RBFOX1: variants seen among roughly 807,000 people sequenced by gnomAD.
RBFOX1 encodes RNA binding protein fox-1 homolog 1.
Under a neutral mutation model 57.7 loss-of-function variants are expected in RBFOX1, and 8 were observed. That is an observed-to-expected ratio of 0.14 (90% CI 0.08 to 0.25). RBFOX1 has a LOEUF of 0.25. Among genes scored for constraint, RBFOX1 ranks in the 10% least tolerant of loss-of-function variants. The pLI is 1.00. For synonymous variants in RBFOX1, 326 were observed against 222.4 expected (o/e 1.47, Z -4.15); for missense variants, 611 against 548.5 (o/e 1.11, Z -1.14).
At chr16:6,865,828 C>A (rs964837555) in intron 3 of RBFOX1, among the ~76,000 whole-genome samples, 1 of 152,094 alleles carries the variant, frequency 6.6e-6, no homozygotes, top group African/African-American at 2.4e-5. Context: ...TTTTCAGGTA[C>A]AATTAACTTC....
intron 1 of RBFOX1, among the ~76,000 whole-genome samples, chr16:6,301,039 G>GT (rs1158093937): frequency 6.6e-6 from 1 of 151,982 alleles, no homozygotes; most frequent in Admixed American, 6.6e-5. Context: ...CTTACATTAT[G>GT]TTCCTTTGAA....
intron 4 of RBFOX1, among the ~76,000 whole-genome samples, chr16:7,433,434 G>T (rs1304889833): frequency 6.6e-6 from 1 of 152,156 alleles, no homozygotes. Flanking sequence ...AGTCTAATAG[G>T]GGATAATGAA....
intron 2 of RBFOX1, among the ~76,000 whole-genome samples, chr16:5,468,349 G>T (rs776486083): frequency 9.2e-5 from 14 of 151,984 alleles, no homozygotes; most frequent in Non-Finnish European, 1.9e-4. Context: ...CTCCCCTGTT[G>T]TTCTCCTCTC....
intron 2 of RBFOX1, among the ~76,000 whole-genome samples, chr16:6,551,672 A>G (rs746463487): frequency 7.9e-5 from 12 of 152,216 alleles, no homozygotes; most frequent in Non-Finnish European, 1.2e-4. Context: ...TAGCTAATAT[A>G]GCTACAGATA....
At chr16:7,668,772 C>T (rs1481898885) in intron 13 of RBFOX1, among the ~76,000 whole-genome samples, 1 of 152,004 alleles carries the variant, frequency 6.6e-6, no homozygotes, top group Non-Finnish European at 1.5e-5. Flanking sequence ...TAGTGGTGCA[C>T]CTTTAAATAC....
intron 4 of RBFOX1, among the ~76,000 whole-genome samples, chr16:7,238,942 T>G (rs1222906360): frequency 6.6e-6 from 1 of 152,164 alleles, no homozygotes; most frequent in Non-Finnish European, 1.5e-5. Context: ...AGCCTCCAGT[T>G]TCATCCATGT....
At chr16:7,659,382 T>G (rs1568328190) in intron 12 of RBFOX1, among the ~76,000 whole-genome samples, 1 of 152,230 alleles carries the variant, frequency 6.6e-6, no homozygotes, top group Admixed American at 6.5e-5. Flanking sequence ...TTTTATCTTC[T>G]AAATATCTAA....
intron 4 of RBFOX1, among the ~76,000 whole-genome samples, chr16:7,373,041 C>G (rs908858147): frequency 2.6e-5 from 4 of 151,836 alleles, no homozygotes; most frequent in South Asian, 2.1e-4. Context: ...TAGCCATTCT[C>G]TTGCCTCAGC....
intron 2 of RBFOX1, among the ~76,000 whole-genome samples, chr16:6,320,604 C>G (rs1246653310): frequency 6.6e-6 from 1 of 152,022 alleles, no homozygotes; most frequent in Non-Finnish European, 1.5e-5. Flanking sequence ...ACTTAACATA[C>G]TTATCACCTT....
At chr16:7,293,184 T>A (rs537378769) in intron 4 of RBFOX1, among the ~76,000 whole-genome samples, 1 of 152,338 alleles carries the variant, frequency 6.6e-6, no homozygotes, top group African/African-American at 2.4e-5. Context: ...AAATTGTGTC[T>A]GTGCTAAACA....
chr16:7,009,546 C>T (rs972566789), intron 3 of RBFOX1, among the ~76,000 whole-genome samples: 11 of 152,130 alleles, frequency 7.2e-5, no homozygotes, highest in African/African-American at 1.4e-4. Flanking sequence ...AGGGATGATG[C>T]GATCAATGAT....
chr16:6,034,082 C>G (rs1047875955), intron 1 of RBFOX1, among the ~76,000 whole-genome samples: 1 of 151,926 alleles, frequency 6.6e-6, no homozygotes, highest in Non-Finnish European at 1.5e-5. Flanking sequence ...TGCCCGTAAT[C>G]CCAGCCCTTT....
chr16:5,401,071 T>G (rs1291811655), intron 1 of RBFOX1, among the ~76,000 whole-genome samples: 1 of 152,164 alleles, frequency 6.6e-6, no homozygotes, highest in Non-Finnish European at 1.5e-5. Flanking sequence ...TTTTTAAAAA[T>G]TTTAAGGTCA....
chr16:5,337,217 G>C (rs1655239709), intron 1 of RBFOX1, among the ~76,000 whole-genome samples: 1 of 152,268 alleles, frequency 6.6e-6, no homozygotes, highest in African/African-American at 2.4e-5. Context: ...CCATTGACTG[G>C]GCTTGTGAGA....
In RBFOX1 at chr16:5,770,699, C is replaced by T. The variant is rs77631833; in HGVS notation, c.319-96604C>T. On this transcript the variant is annotated intron_variant, in intron 3 of 19. Coordinates refer to the RBFOX1 transcript ENST00000641259. ...TAGCCAAGAACCCTCCTGGGCTAAG[C>T]CTCAGTTTTGGTGCTCGCCTGCATC... Among the ~76,000 whole-genome samples the T allele has an allele frequency of 2.6e-3, 394 of 152,334 alleles. 19 individuals carry two copies. In the East Asian group the frequency reaches 0.068, roughly 26 times the overall value.
At chr16:7,557,644 A>AAAAAAAATT (rs2089061800) in intron 5 of RBFOX1, among the ~76,000 whole-genome samples, 1 of 93,728 alleles carries the variant, frequency 1.1e-5, no homozygotes, top group Non-Finnish European at 2.6e-5. Context: ...AAAAAAAAAG[A>AAAAAAAATT]AAAAGAAAAA....
intron 3 of RBFOX1, among the ~76,000 whole-genome samples, chr16:6,764,952 AAAAAG>A (rs575476184): frequency 1.1e-3 from 162 of 152,270 alleles, no homozygotes; most frequent in Non-Finnish European, 1.9e-3. Context: ...GAAAGAAATA[AAAAAG>A]AAAAGAGTAA....
chr16:7,155,730 T>C (rs1167810952), intron 4 of RBFOX1, among the ~76,000 whole-genome samples: 1,399 of 81,860 alleles, frequency 0.017, 24 homozygotes, highest in African/African-American at 0.034. Context: ...TATATATATA[T>C]ATATATATAC....
At chr16:6,017,800 C>T (rs1048554241), upstream of RBFOX1, among the ~76,000 whole-genome samples, 2 of 152,134 alleles carry the variant, frequency 1.3e-5, no homozygotes, top group African/African-American at 4.8e-5. Context: ...CCTTGATGGG[C>T]GCTAGGAAAT....
Sources: allele counts gnomAD v4.1 joint callset (sites outside exome capture counted in the v4.1 genomes callset), GRCh38; gene constraint gnomAD v4.1.1; transcripts MANE v1.5; gene names NCBI Gene and HGNC (gene_info 2026-07-23, HGNC 2026-07-21).